The following NOS1AP variants were observed in gnomAD, a reference collection of about 807,000 sequenced individuals.
NOS1AP encodes carboxyl-terminal PDZ ligand of neuronal nitric oxide synthase protein.
A neutral mutation model predicts 56.2 loss-of-function variants in NOS1AP; 21 were observed. That is an observed-to-expected ratio of 0.37 (90% CI 0.26 to 0.54). NOS1AP has a LOEUF of 0.54. Ranked by LOEUF, NOS1AP falls within the 20% of genes least tolerant of loss-of-function variation. The pLI is 0.84. For missense variants in NOS1AP, 522 were observed against 657.8 expected, an observed-to-expected ratio of 0.79 and a Z score of 2.26; for synonymous variants, 270 against 274.6, an observed-to-expected ratio of 0.98 and a Z score of 0.17.
intron 5 of NOS1AP, among the ~76,000 whole-genome samples, chr1:162,335,908 C>T (rs1018942242): frequency 6.6e-6 from 1 of 152,156 alleles, no homozygotes. Context: ...GGGCCTCCCT[C>T]GACCTTGTTC....
intron 2 of NOS1AP, among the ~76,000 whole-genome samples, chr1:162,196,049 G>C (rs904422926): frequency 2.0e-5 from 3 of 152,240 alleles, no homozygotes; most frequent in Non-Finnish European, 4.4e-5. Context: ...ATAGGACACA[G>C]TCTTTAGAGT....
At chr1:162,224,955 G>A (rs775457037) in intron 2 of NOS1AP, among the ~76,000 whole-genome samples, 21 of 152,306 alleles carry the variant, frequency 1.4e-4, no homozygotes, top group Non-Finnish European at 2.5e-4. Flanking sequence ...AGAAAGAAGT[G>A]AGCATTGAAA....
At chr1:162,102,249 T>C (rs539015820) in intron 1 of NOS1AP, among the ~76,000 whole-genome samples, 11 of 152,338 alleles carry the variant, frequency 7.2e-5, no homozygotes, top group African/African-American at 2.4e-4. Flanking sequence ...TGAATTACAT[T>C]TATTGATTTG....
chr1:162,367,303 G>A lies in NOS1AP; in HGVS notation c.1357G>A (p.Glu453Lys), dbSNP rs1305114574. 6.2e-7 allele frequency: 1 copy of A among 1,613,402 alleles called. No homozygotes were observed. Among genetic ancestry groups the A allele is most frequent in the Non-Finnish European group, 8.5e-7 (1 of 1,179,948 alleles). ...AQGEALLGGLELIKFRESGIA... is the reference protein window; with the variant it reads ...AQGEALLGGLKLIKFRESGIA... ...GGGCGAGGCGCTCCTGGGCGGTCTG[G>A]AGCTCATCAAGTTCCGAGAGTCAGG... is the stretch of plus-strand genomic sequence containing the variant. Residue 453 changes from glutamate to lysine, a missense_variant, in exon 10 of 10, where the codon GAG (glutamate) becomes AAG (lysine). Glu to Lys is a moderately conservative substitution (Grantham distance 56). Around this residue, in one of 4 missense-constraint regions of NOS1AP, gnomAD observed 160 missense variants for 180.3 expected, o/e 0.89. Transcript: ENST00000361897. This position sits in a 1 kb window ranked among gnomAD's most constrained non-coding sequence, Gnocchi z 6.5.
rs563814127 is a variant in NOS1AP at position 162,214,281 on chromosome 1, A to G, written c.177+59805A>G. 3.4e-3 allele frequency among the ~76,000 whole-genome samples: 518 copies of G among 152,072 alleles called. 5 individuals are homozygous for G. Among genetic ancestry groups the G allele is most frequent in the African/African-American group, 0.012 (478 of 41,448 alleles). ...CATTCGTTCGTTCGTTCATTCATTCATTCATTCATTCATTCAGTAAAAGCC... is the reference window on the plus strand; with the variant it reads ...CATTCGTTCGTTCGTTCATTCATTCGTTCATTCATTCATTCAGTAAAAGCC... On this transcript the variant is annotated intron_variant, in intron 2 of 9. Transcript: ENST00000361897.
chr1:162,080,911 C>G (rs543350508), intron 1 of NOS1AP, among the ~76,000 whole-genome samples: 15 of 152,146 alleles, frequency 9.9e-5, no homozygotes, highest in Non-Finnish European at 1.6e-4. Flanking sequence ...AAGGTATTAT[C>G]ATTATTTGTA....
chr1:162,301,799 C>T (rs1303027131), intron 4 of NOS1AP, among the ~76,000 whole-genome samples: 1 of 152,192 alleles, frequency 6.6e-6, no homozygotes, highest in African/African-American at 2.4e-5. Flanking sequence ...ATTTTGTCCG[C>T]TCTCAAATTA....
chr1:162,337,727 T>C (rs1428030204), intron 5 of NOS1AP, among the ~76,000 whole-genome samples: 1 of 152,196 alleles, frequency 6.6e-6, no homozygotes, highest in African/African-American at 2.4e-5. Flanking sequence ...TGTTGGAAAC[T>C]TTAAGATGCA....
intron 4 of NOS1AP, among the ~76,000 whole-genome samples, chr1:162,326,550 A>G (rs1656596937): frequency 6.6e-6 from 1 of 152,214 alleles, no homozygotes; most frequent in Non-Finnish European, 1.5e-5. Flanking sequence ...ATTGGCTCAC[A>G]TGATTATGGA....
chr1:162,331,897 C>T (rs1385595101), intron 4 of NOS1AP, among the ~76,000 whole-genome samples: 1 of 152,230 alleles, frequency 6.6e-6, no homozygotes, highest in African/African-American at 2.4e-5. Flanking sequence ...AATTTTCCCC[C>T]TTTCTCCAGC....
chr1:162,333,179 C>T, intron 5 of NOS1AP, 54 bp downstream of exon 5: 1 of 1,239,610 alleles, frequency 8.1e-7, no homozygotes, highest in Non-Finnish European at 1.2e-6. Flanking sequence ...TTCCAAAGCA[C>T]CCCCAACATT....
intron 3 of NOS1AP, 33 bp downstream of exon 3, chr1:162,287,469 G>T: frequency 2.8e-6 from 4 of 1,448,530 alleles, no homozygotes; most frequent in Non-Finnish European, 3.9e-6. Flanking sequence ...CTGAGGTGAA[G>T]AGGAAAGCAG....
In NOS1AP at chr1:162,328,491, GGCAGTAATTAGA is replaced by G. The variant is rs1162342007; in HGVS notation, c.345-4520_345-4509del. ...AAGGATGGAACTAGAGCAGTAGTGT[GGCAGTAATTAGA>G]GCAGTTCACATTTATTAACCATTTG... On this transcript the variant is annotated intron_variant, in intron 4 of 9. Transcript: ENST00000361897. Among the ~76,000 whole-genome samples, 5 of 152,318 alleles carry G rather than the reference GGCAGTAATTAGA, an allele frequency of 3.3e-5. No individual in the cohort carries two copies. In the East Asian group the frequency reaches 9.6e-4, roughly 29 times the overall value.
At chr1:162,119,801 A>T (rs1023950000) in intron 1 of NOS1AP, among the ~76,000 whole-genome samples, 3 of 152,144 alleles carry the variant, frequency 2.0e-5, no homozygotes, top group Admixed American at 1.3e-4. Context: ...TTCTTTTCAG[A>T]TGAGGGGATT....
intron 2 of NOS1AP, among the ~76,000 whole-genome samples, chr1:162,160,881 CAAA>C (rs1650176107): frequency 6.6e-6 from 1 of 152,110 alleles, no homozygotes; most frequent in Non-Finnish European, 1.5e-5. Context: ...GGTCAGAGTC[CAAA>C]ATGGGGCTAA....
At chr1:162,191,451 C>G (rs1294310575) in intron 2 of NOS1AP, among the ~76,000 whole-genome samples, 1 of 152,164 alleles carries the variant, frequency 6.6e-6, no homozygotes, top group African/African-American at 2.4e-5. Flanking sequence ...CTTTCTGTTT[C>G]CTCTCCACAA....
chr1:162,295,304 C>T (rs1655422070), intron 3 of NOS1AP, among the ~76,000 whole-genome samples: 1 of 152,202 alleles, frequency 6.6e-6, no homozygotes, highest in African/African-American at 2.4e-5. Flanking sequence ...AAATTTCCCT[C>T]ACACAGCTAC....
intron 2 of NOS1AP, among the ~76,000 whole-genome samples, chr1:162,268,257 GAAA>G (rs757606072): frequency 7.6e-6 from 1 of 131,478 alleles, no homozygotes. Flanking sequence ...CTGTCTATAG[GAAA>G]AAAAAAAAAA....
rs1654226380 is a variant in NOS1AP at position 162,261,511 on chromosome 1, A to AGAG, written c.178-25832_178-25830dup. The stretch of plus-strand genomic sequence containing the variant: ...GAGAGAGAGAGAGAGAGAGAGAGAG[A>AGAG]GAGAGAGAGAGAGAGAGAGAGAGAG... On this transcript the variant is annotated intron_variant, in intron 2 of 9. Transcript: ENST00000361897. 1.4e-4 allele frequency among the ~76,000 whole-genome samples: 3 copies of AGAG among 21,310 alleles called. 1 individual carries two copies. The highest frequency in any genetic ancestry group is 4.4e-4 in the Non-Finnish European group (3 of 6,772). 14.0% of individuals were successfully genotyped at this position (21,310 alleles called of 152,430 possible). A position where few individuals can be genotyped will look rare whatever the true frequency, so the allele number is the denominator to read the frequency against.
Sources: gnomAD v4.1 joint callset for allele counts (sites outside exome capture counted in the v4.1 genomes callset) on GRCh38, gnomAD v4.1.1 for gene constraint, gnomAD v4.1.1 regional missense constraint, Gnocchi (gnomAD v3.1) non-coding constraint, MANE v1.5 for transcripts, NCBI Gene and HGNC (gene_info 2026-07-23, HGNC 2026-07-21) for gene names.